Variants in ASZ1 observed in about 807,000 individuals in gnomAD.
The protein encoded by ASZ1 is ankyrin repeat, SAM and basic leucine zipper domain-containing protein 1.
ASZ1 carries 67 observed loss-of-function variants against 61.8 expected under a neutral mutation model. That is an observed-to-expected ratio of 1.08 (90% CI 0.89 to 1.33). The LOEUF is 1.33. ASZ1 is among the 40% of genes most tolerant of loss of function. ASZ1 has a pLI of 0.00. For missense variants in ASZ1, 577 were observed against 554.5 expected (o/e 1.04, Z -0.41); for synonymous variants, 193 against 192.7 (o/e 1.00, Z -0.01).
In ASZ1 at chr7:117,422,315, T is replaced by C. The variant is rs766259997; in HGVS notation, c.250A>G (p.Met84Val). Residue 84 changes from methionine (M) to valine (V), a missense_variant, in exon 3 of 13, where the codon ATG (methionine) becomes GTG (valine). Met to Val is a conservative substitution (Grantham distance 21, BLOSUM62 1). Coordinates refer to ENST00000284629, the MANE Select transcript of ASZ1 (RefSeq NM_130768.3). Reference protein sequence around the residue: ...SNFQYGWTPLMYAASVANAEL... With the variant: ...SNFQYGWTPLVYAASVANAEL... ...GCATTGGCAACACTAGCAGCATACATAAGGGGAGTCCATCCATACTGAAAG... is the reference window on the plus strand; with the variant it reads ...GCATTGGCAACACTAGCAGCATACACAAGGGGAGTCCATCCATACTGAAAG... 1 of 1,613,798 alleles carries C rather than the reference T, an allele frequency of 6.2e-7. No individual in the cohort carries two copies. Among genetic ancestry groups the C allele is most frequent in the Non-Finnish European group, 8.5e-7 (1 of 1,179,802 alleles).
At chr7:117,424,462 G>T (rs1797158121) in intron 2 of ASZ1, among the ~76,000 whole-genome samples, 1 of 152,222 alleles carries the variant, frequency 6.6e-6, no homozygotes, top group Non-Finnish European at 1.5e-5. Flanking sequence ...CAATGGTAAA[G>T]AAATCTTTCT....
At chr7:117,379,899 T>C in intron 10 of ASZ1, 39 bp downstream of exon 10, 2 of 1,311,620 alleles carry the variant, frequency 1.5e-6, no homozygotes, top group Non-Finnish European at 1.1e-6. Context: ...AATTGGTTCT[T>C]AACACTATTA....
chr7:117,364,508 T>C (rs1006427009), intron 12 of ASZ1, among the ~76,000 whole-genome samples: 3 of 151,200 alleles, frequency 2.0e-5, no homozygotes, highest in African/African-American at 7.3e-5. Context: ...GGGATGGCTT[T>C]TGGGGGTGGG....
chr7:117,373,567 T>TA (rs1320828425), intron 10 of ASZ1, among the ~76,000 whole-genome samples: 6 of 152,208 alleles, frequency 3.9e-5, no homozygotes, highest in Non-Finnish European at 8.8e-5. Context: ...TTCCTGCTGT[T>TA]AGTTTTCTTA....
In ASZ1 at chr7:117,368,835, T is replaced by C. The variant is rs1045562703; in HGVS notation, c.1056-118A>G. On this transcript the variant is annotated intron_variant, in intron 10 of 12. Transcript: ENST00000284629. ...AATTAGATTCTTCCAAAAGAATTCA[T>C]GGAATAGCTAATACAGATTAGGTAC... 2.9e-5 allele frequency: 45 copies of C among 1,527,250 alleles called. No individual in the cohort carries two copies. The African/African-American group carries it at 5.3e-4, about 18-fold the overall frequency. 94.6% of individuals were successfully genotyped at this position (1,527,250 alleles called of 1,614,324 possible).
At chr7:117,392,203 T>C (rs1157337192) in intron 4 of ASZ1, among the ~76,000 whole-genome samples, 1 of 152,254 alleles carries the variant, frequency 6.6e-6, no homozygotes, top group African/African-American at 2.4e-5. Flanking sequence ...GATATTTTAA[T>C]GATACTGCAG....
intron 5 of ASZ1, among the ~76,000 whole-genome samples, 200 bp from the exon 6 acceptor site, chr7:117,385,060 G>A (rs1002357194): frequency 9.2e-5 from 14 of 152,080 alleles, no homozygotes; most frequent in African/African-American, 1.9e-4. Context: ...AAAGCTCATT[G>A]ATTTTTTAAA....
At chr7:117,418,903 G>A (rs915696465) in intron 4 of ASZ1, among the ~76,000 whole-genome samples, 1 of 152,016 alleles carries the variant, frequency 6.6e-6, no homozygotes, top group African/African-American at 2.4e-5. Context: ...AGAAGTTACA[G>A]CGAGCCACGA....
At chr7:117,425,717 C>T (rs918096856) in intron 2 of ASZ1, among the ~76,000 whole-genome samples, 1 of 150,370 alleles carries the variant, frequency 6.7e-6, no homozygotes, top group Non-Finnish European at 1.5e-5. Flanking sequence ...TGGCTGGGGG[C>T]GGTGGCTCTT....
chr7:117,427,229 C>T (rs1393544306), intron 1 of ASZ1, 127 bp downstream of exon 1: 1 of 1,132,644 alleles, frequency 8.8e-7, no homozygotes, highest in Non-Finnish European at 1.3e-6. Context: ...TACAAACTCC[C>T]GTATTTCCAC....
intron 10 of ASZ1, among the ~76,000 whole-genome samples, chr7:117,376,348 A>G (rs1487926153): frequency 6.6e-6 from 1 of 152,188 alleles, no homozygotes. Flanking sequence ...AGATGGTTTC[A>G]CTGGAGAAAT....
In ASZ1 at chr7:117,427,001, C is replaced by A; in HGVS notation, c.106-66G>T. The A allele has an allele frequency of 2.8e-6, 4 of 1,440,784 alleles. No homozygotes were observed. In the South Asian group the frequency reaches 4.1e-5, roughly 15 times the overall value. 89.2% of individuals were successfully genotyped at this position (1,440,784 alleles called of 1,614,324 possible). A position where few individuals can be genotyped will look rare whatever the true frequency, so the allele number is the denominator to read the frequency against. ...TTTTTGTTTCCACCTCATCAGGAAA[C>A]AATAATGTTTGGTTAAGTACACAGG... On this transcript the variant is annotated intron_variant, in intron 1 of 12. Coordinates refer to ENST00000284629, the MANE Select transcript of ASZ1 (RefSeq NM_130768.3).
chr7:117,363,687 CA>C lies in ASZ1; in HGVS notation c.1336del (p.Trp446GlyfsTer6). On this transcript the variant is annotated frameshift_variant, in exon 13 of 13. Coordinates refer to ENST00000284629, the MANE Select transcript of ASZ1 (RefSeq NM_130768.3). LOFTEE classifies it high-confidence loss of function. The stretch of plus-strand genomic sequence containing the variant: ...TGTCCTCTTCAAAATTCTACTATTC[CA>C]TGTAGATACTTCTTCCCTTAATTGT... ...HIQLREEVST[W>X]NSRILKRTAI... 1 of 1,606,408 alleles carries C rather than the reference CA, an allele frequency of 6.2e-7. No homozygotes were observed. Among genetic ancestry groups the C allele is most frequent in the South Asian group, 1.1e-5 (1 of 90,042 alleles).
At chr7:117,382,634 A>G (rs1360479565) in intron 7 of ASZ1, among the ~76,000 whole-genome samples, 1 of 152,172 alleles carries the variant, frequency 6.6e-6, no homozygotes, top group Non-Finnish European at 1.5e-5. Context: ...CTGGGGGGAA[A>G]AGTATATGTT....
chr7:117,379,168 T>TATATATATATACACACAC (rs1161457624), intron 10 of ASZ1, among the ~76,000 whole-genome samples: 15 of 69,710 alleles, frequency 2.2e-4, no homozygotes, highest in African/African-American at 8.2e-4. Context: ...TATATATATA[T>TATATATATATACACACAC]ACACACACAC....
chr7:117,408,059 T>C (rs566881900), intron 4 of ASZ1, among the ~76,000 whole-genome samples: 1 of 152,174 alleles, frequency 6.6e-6, no homozygotes, highest in Non-Finnish European at 1.5e-5. Flanking sequence ...CTACAAATCC[T>C]ACAGTTTAGG....
chr7:117,415,143 C>T (rs949177993), intron 4 of ASZ1, among the ~76,000 whole-genome samples: 2 of 152,200 alleles, frequency 1.3e-5, no homozygotes, highest in Admixed American at 1.3e-4. Context: ...CACATCCTCT[C>T]CAGCATCTGT....
In ASZ1 at chr7:117,426,506, A is replaced by G. The variant is rs904383704; in HGVS notation, c.205+330T>C. Among the ~76,000 whole-genome samples the G allele has an allele frequency of 6.7e-5, 10 of 149,758 alleles. 1 individual carries two copies. The highest frequency in any genetic ancestry group is 3.9e-4 in the East Asian group (2 of 5,154). On this transcript the variant is annotated intron_variant, in intron 2 of 12. Transcript: ENST00000284629. ...AACATCTCAAAAAAAAAAAAAAAAA[A>G]AAAAGAAAAAGAAAAGAAAAAAGAA... is the stretch of plus-strand genomic sequence containing the variant.
At chr7:117,386,981 T>C (rs1796368561) in intron 4 of ASZ1, among the ~76,000 whole-genome samples, 1 of 151,834 alleles carries the variant, frequency 6.6e-6, no homozygotes, top group African/African-American at 2.4e-5. Flanking sequence ...TTGAATTTCC[T>C]GGATAACTTA....
Sources: gnomAD v4.1 joint callset for allele counts (sites outside exome capture counted in the v4.1 genomes callset) on GRCh38, gnomAD v4.1.1 for gene constraint, MANE v1.5 for transcripts, NCBI Gene and HGNC (gene_info 2026-07-23, HGNC 2026-07-21) for gene names.